The following DMD variants were observed in gnomAD, a reference collection of about 807,000 sequenced individuals.
DMD encodes the protein mutant dystrophin.
Under a neutral mutation model 330.1 loss-of-function variants are expected in DMD, and 63 were observed. That is an observed-to-expected ratio of 0.19 (90% CI 0.16 to 0.24). DMD has a LOEUF of 0.24. Among genes scored for constraint, DMD ranks in the 10% least tolerant of loss-of-function variants. The probability of loss-of-function intolerance (pLI) is 1.00; values close to 1 mark genes in which losing one functional copy is unlikely to be tolerated. For missense variants in DMD, 3,344 were observed against 2,684.1 expected, an observed-to-expected ratio of 1.25 and a Z score of -5.43; for synonymous variants, 1,223 against 959.8, an observed-to-expected ratio of 1.27 and a Z score of -5.07.
intron 44 of DMD, among the ~76,000 whole-genome samples, chrX:32,038,047 C>A (rs1369861659): frequency 9.0e-6 from 1 of 111,655 alleles, no homozygotes; most frequent in Non-Finnish European, 1.9e-5. Context: ...CTTGGTCATT[C>A]AACAAACGTC....
chrX:32,216,837 A>G (rs960482987), intron 44 of DMD, 79 bp downstream of exon 44: 8 of 951,569 alleles, frequency 8.4e-6, no homozygotes, highest in Non-Finnish European at 1.2e-5. Context: ...CACCCTTCAG[A>G]ACCTGATCTT....
intron 43 of DMD, among the ~76,000 whole-genome samples, chrX:32,259,984 G>A (rs1456726): frequency 0.22 from 24,149 of 110,569 alleles, 2,188 homozygotes; most frequent in East Asian, 0.43. Flanking sequence ...GGATCATTTA[G>A]TGGATATTCC....
Position 33,326,925 on chromosome X carries a change from T to C in DMD, c.7+12334A>G, listed in dbSNP as rs775551724. 7.2e-5 allele frequency among the ~76,000 whole-genome samples: 8 copies of C among 111,467 alleles called. No individual in the cohort carries two copies. In the South Asian group the frequency reaches 3.0e-3, roughly 42 times the overall value. On this transcript the variant is annotated intron_variant, in intron 1 of 17. Coordinates refer to the DMD transcript ENST00000288447. ...ATACAAATAGGAGAAATTAGTTACA[T>C]GGCTCTCTATAAAGAGGAAATAAGA... is the stretch of plus-strand genomic sequence containing the variant.
intron 52 of DMD, among the ~76,000 whole-genome samples, chrX:31,686,935 C>T (rs919398541): frequency 2.7e-5 from 3 of 111,541 alleles, no homozygotes; most frequent in East Asian, 2.8e-4. Context: ...GAGAAGAGAG[C>T]GAAAAGTAAA....
intron 60 of DMD, among the ~76,000 whole-genome samples, chrX:31,406,260 G>C (rs936344093): frequency 4.5e-5 from 5 of 111,375 alleles, no homozygotes; most frequent in African/African-American, 1.6e-4. Context: ...GAAAATACGA[G>C]TAGGCAGAAA....
At chrX:31,151,904 G>A (rs770927452) in intron 74 of DMD, among the ~76,000 whole-genome samples, 1 of 112,039 alleles carries the variant, frequency 8.9e-6, no homozygotes, top group African/African-American at 3.2e-5. Flanking sequence ...AGAGCCTGTG[G>A]TCAATTCTCC....
In DMD at chrX:32,681,014, G is replaced by A. The variant is rs1409298476; in HGVS notation, c.960+16856C>T. ...TCCATACATTTTCTACCTTTGACCA[G>A]TAAGTGATAGTTTTCCTCTTTATCT... On this transcript the variant is annotated intron_variant, in intron 9 of 78. Transcript: ENST00000357033. 2.7e-5 allele frequency among the ~76,000 whole-genome samples: 3 copies of A among 112,171 alleles called. No homozygotes were observed. The East Asian group carries it at 8.4e-4, about 31-fold the overall frequency.
intron 55 of DMD, among the ~76,000 whole-genome samples, chrX:31,601,903 T>C (rs956123969): frequency 1.2e-4 from 13 of 111,264 alleles, no homozygotes; most frequent in Admixed American, 3.8e-4. Flanking sequence ...ATCAAGGCAC[T>C]GTAGTATGAT....
chrX:31,544,452 G>A (rs1438508852), intron 55 of DMD, among the ~76,000 whole-genome samples: 3 of 110,886 alleles, frequency 2.7e-5, no homozygotes. Context: ...CTCCCCTGAA[G>A]CAGGTCATGA....
intron 52 of DMD, among the ~76,000 whole-genome samples, chrX:31,718,847 G>A (rs28393475): frequency 0.14 from 15,355 of 111,308 alleles, 899 homozygotes; most frequent in Admixed American, 0.31. Flanking sequence ...TTTTCCATGC[G>A]TCATTTCATT....
At chrX:33,284,560 C>T (rs1412855593) in intron 1 of DMD, among the ~76,000 whole-genome samples, 1 of 107,315 alleles carries the variant, frequency 9.3e-6, no homozygotes, top group Non-Finnish European at 1.9e-5. Flanking sequence ...CACAAACCTT[C>T]ATAATGTTGC....
At position 33,287,460 on chromosome X, in the gene DMD, C is replaced by T. The variant is rs1603428446; in HGVS notation, c.7+51799G>A. Among the ~76,000 whole-genome samples, 4 of 110,833 alleles carry T rather than the reference C, an allele frequency of 3.6e-5. No homozygotes were observed. In the Middle Eastern group the frequency reaches 0.019, roughly 513 times the overall value. On this transcript the variant is annotated intron_variant, in intron 1 of 17. Coordinates refer to the DMD transcript ENST00000288447. ...CAAACTCATGCCTGGTTGAGAACCA[C>T]TTATCTAATACACTCTTTTTAGCTG...
chrX:31,402,681 G>A (rs1390413611), intron 60 of DMD, among the ~76,000 whole-genome samples: 4 of 112,024 alleles, frequency 3.6e-5, no homozygotes, highest in African/African-American at 1.3e-4. Flanking sequence ...GTGCTAAAAA[G>A]TTTATTGTAA....
intron 61 of DMD, among the ~76,000 whole-genome samples, chrX:31,325,223 C>G (rs1325902272): frequency 9.0e-6 from 1 of 110,555 alleles, no homozygotes; most frequent in Non-Finnish European, 1.9e-5. Context: ...CTCTTCCCAA[C>G]TCTTCTCTTG....
At chrX:32,434,850 A>G (rs2098253136) in intron 29 of DMD, among the ~76,000 whole-genome samples, 1 of 111,707 alleles carries the variant, frequency 9.0e-6, no homozygotes, top group Non-Finnish European at 1.9e-5. Context: ...GGCTGATACA[A>G]CAGAATTTGA....
intron 43 of DMD, among the ~76,000 whole-genome samples, chrX:32,276,292 C>T (rs970992718): frequency 1.3e-4 from 15 of 112,326 alleles, no homozygotes; most frequent in African/African-American, 4.9e-4. Context: ...ACCTGAGAGG[C>T]AGTCTGGGAC....
At chrX:32,269,370 A>G (rs2097357050) in intron 43 of DMD, among the ~76,000 whole-genome samples, 1 of 111,839 alleles carries the variant, frequency 8.9e-6, no homozygotes, top group African/African-American at 3.3e-5. Context: ...TAATATCTCA[A>G]GTCGCCCACT....
intron 1 of DMD, among the ~76,000 whole-genome samples, chrX:33,125,650 A>T (rs1486766059): frequency 1.8e-5 from 2 of 111,968 alleles, no homozygotes; most frequent in Admixed American, 9.6e-5. Context: ...AGTTGTTAAC[A>T]TTTTTAAAGA....
chrX:32,745,283 T>C (rs986372728), intron 7 of DMD, among the ~76,000 whole-genome samples: 6 of 112,221 alleles, frequency 5.3e-5, no homozygotes, highest in African/African-American at 1.6e-4. Flanking sequence ...TATAAAACTA[T>C]TGTCATGATG....
Sources: gnomAD v4.1 joint callset for allele counts (sites outside exome capture counted in the v4.1 genomes callset) on GRCh38, gnomAD v4.1.1 for gene constraint, MANE v1.5 for transcripts, NCBI Gene and HGNC (gene_info 2026-07-23, HGNC 2026-07-21) for gene names.